Variants in DHRSX observed in about 807,000 individuals in gnomAD.
DHRSX encodes the protein polyprenol dehydrogenase.
Under a neutral mutation model 34.0 loss-of-function variants are expected in DHRSX, and 31 were observed. The ratio of observed to expected loss-of-function variants is 0.91; its 90% CI spans 0.69 to 1.23. The LOEUF is 1.23. Among genes scored for constraint, DHRSX ranks in the 50% most tolerant of loss-of-function variants. DHRSX has a pLI of 0.00. For synonymous variants in DHRSX, 201 were observed against 183.8 expected (o/e 1.09, Z -0.76); for missense variants, 414 against 428.1 (o/e 0.97, Z 0.29).
At chrX:2,243,284 G>T in intron 5 of DHRSX, 54 bp from the exon 6 acceptor site, 2 of 1,513,310 alleles carry the variant, frequency 1.3e-6, no homozygotes, top group Non-Finnish European at 1.8e-6. Flanking sequence ...ACGCCTAAGT[G>T]CTTCATCCCA....
chrX:2,307,945 A>G (rs1445886326), intron 3 of DHRSX, among the ~76,000 whole-genome samples: 3 of 152,016 alleles, frequency 2.0e-5, no homozygotes, highest in Admixed American at 2.0e-4. Context: ...CCCATGTAGG[A>G]GCTGCGTCCC....
At chrX:2,425,161 A>G (rs763147604) in intron 2 of DHRSX, 36 bp downstream of exon 2, 3 of 1,549,560 alleles carry the variant, frequency 1.9e-6, no homozygotes, top group Admixed American at 2.0e-5. Context: ...AAAAACCGAA[A>G]AAACAAAAAA....
intron 6 of DHRSX, among the ~76,000 whole-genome samples, chrX:2,226,435 C>T (rs1352723865): frequency 6.6e-6 from 1 of 152,098 alleles, no homozygotes; most frequent in East Asian, 1.9e-4. Context: ...AGGGTTCCTG[C>T]CAGCATTTGT....
chrX:2,363,169 C>T (rs1408392096), intron 3 of DHRSX, among the ~76,000 whole-genome samples: 1 of 119,984 alleles, frequency 8.3e-6, no homozygotes, highest in African/African-American at 3.0e-5. Flanking sequence ...TGGTATCATG[C>T]CGCCATTTTA....
At chrX:2,481,047 C>A (rs1204018700) in intron 1 of DHRSX, among the ~76,000 whole-genome samples, 1 of 151,980 alleles carries the variant, frequency 6.6e-6, no homozygotes, top group African/African-American at 2.4e-5. Flanking sequence ...TGTTAATTAG[C>A]TTGAATGTTA....
At chrX:2,344,723 G>A (rs1188165339) in intron 3 of DHRSX, among the ~76,000 whole-genome samples, 2 of 151,548 alleles carry the variant, frequency 1.3e-5, no homozygotes, top group Non-Finnish European at 2.9e-5. Flanking sequence ...AGGGGGTCAG[G>A]GGCTAGTGGA....
chrX:2,344,345 C>T (rs1386706999), intron 3 of DHRSX, among the ~76,000 whole-genome samples: 3 of 152,036 alleles, frequency 2.0e-5, no homozygotes, highest in Admixed American at 6.6e-5. Context: ...AGTCAGGAAA[C>T]GAGAGATGCT....
intron 6 of DHRSX, among the ~76,000 whole-genome samples, chrX:2,221,827 G>T (rs941909245): frequency 6.6e-6 from 1 of 152,114 alleles, no homozygotes; most frequent in Non-Finnish European, 1.5e-5. Flanking sequence ...AGCACACCCT[G>T]GTTTTCTGCA....
At chrX:2,429,186 T>C (rs1443035251) in intron 1 of DHRSX, among the ~76,000 whole-genome samples, 2 of 151,446 alleles carry the variant, frequency 1.3e-5, no homozygotes, top group South Asian at 2.1e-4. Flanking sequence ...GCAAATACTA[T>C]ATGTAGTATC....
rs141257609 is a variant in DHRSX, at chrX:2,420,278, C to T, written c.217+4919G>A. Among the ~76,000 whole-genome samples the T allele has an allele frequency of 7.2e-3, 1,099 of 151,976 alleles. 2 individuals carry two copies. The highest frequency in any genetic ancestry group is 0.012 in the Non-Finnish European group (820 of 67,952). Reference sequence around the variant, plus strand: ...AAAAAATTAGCTTGGTGTGCTGGCACGCGCCTGTAATCCCAGCTACTTGGG... The same window carrying T: ...AAAAAATTAGCTTGGTGTGCTGGCATGCGCCTGTAATCCCAGCTACTTGGG... On this transcript the variant is annotated intron_variant, in intron 2 of 6. Transcript: ENST00000334651.
chrX:2,250,195 CA>C (rs1332027753), intron 5 of DHRSX, among the ~76,000 whole-genome samples: 1 of 148,938 alleles, frequency 6.7e-6, no homozygotes, highest in African/African-American at 2.5e-5. Context: ...AGCATTGATT[CA>C]AAAAGTCTTT....
At chrX:2,307,881 C>T (rs1355808875) in intron 3 of DHRSX, among the ~76,000 whole-genome samples, 1 of 151,724 alleles carries the variant, frequency 6.6e-6, no homozygotes, top group Non-Finnish European at 1.5e-5. Context: ...GCGCATAGGA[C>T]ACAGGAAATC....
intron 5 of DHRSX, among the ~76,000 whole-genome samples, chrX:2,265,223 C>A (rs1161896095): frequency 2.2e-5 from 1 of 45,092 alleles, no homozygotes; most frequent in Non-Finnish European, 4.2e-5. Context: ...GGAGCACTGT[C>A]CCCAGAGCAC....
chrX:2,499,756 A>G (rs1249023387), intron 1 of DHRSX, among the ~76,000 whole-genome samples: 1 of 152,120 alleles, frequency 6.6e-6, no homozygotes. Flanking sequence ...AAAAAAATTA[A>G]AACATTAGAC....
chrX:2,249,677 T>C (rs1281939579), intron 5 of DHRSX, among the ~76,000 whole-genome samples: 9 of 151,134 alleles, frequency 6.0e-5, no homozygotes, highest in Non-Finnish European at 1.2e-4. Flanking sequence ...GCGCCTACCA[T>C]CACGCCCAGC....
chrX:2,335,662 C>G (rs1405448278), intron 3 of DHRSX, among the ~76,000 whole-genome samples: 8 of 151,854 alleles, frequency 5.3e-5, no homozygotes, highest in African/African-American at 1.9e-4. Flanking sequence ...TCATATAGGC[C>G]AGGATGGTCT....
intron 3 of DHRSX, among the ~76,000 whole-genome samples, chrX:2,387,898 C>G (rs1040708645): frequency 1.5e-4 from 20 of 130,706 alleles, no homozygotes; most frequent in Non-Finnish European, 2.6e-4. Flanking sequence ...CCTCCACCCT[C>G]CCCTGCAAAA....
At chrX:2,425,557 CTGCAATA>C (rs2043834757) in intron 1 of DHRSX, among the ~76,000 whole-genome samples, 1 of 152,194 alleles carries the variant, frequency 6.6e-6, no homozygotes, top group South Asian at 2.1e-4. Flanking sequence ...CTGGCAGGCT[CTGCAATA>C]TGCCGTCAGT....
intron 4 of DHRSX, among the ~76,000 whole-genome samples, chrX:2,271,830 T>C (rs890634058): frequency 2.0e-5 from 3 of 151,990 alleles, no homozygotes; most frequent in African/African-American, 7.3e-5. Flanking sequence ...TCAGTTCAGG[T>C]CAGGAGTTCG....
Sources: gnomAD v4.1 joint callset for allele counts (sites outside exome capture counted in the v4.1 genomes callset) on GRCh38, gnomAD v4.1.1 for gene constraint, MANE v1.5 for transcripts, NCBI Gene and HGNC (gene_info 2026-07-23, HGNC 2026-07-21) for gene names.